The following SYT9 variants were observed in gnomAD, a reference collection of about 807,000 sequenced individuals.
The protein encoded by SYT9 is synaptotagmin-9.
SYT9 carries 22 observed loss-of-function variants against 48.4 expected under a neutral mutation model. The ratio of observed to expected loss-of-function variants is 0.45; its 90% CI spans 0.32 to 0.65. The LOEUF (loss-of-function observed/expected upper bound fraction) is 0.65. Among genes scored for constraint, SYT9 ranks in the 30% least tolerant of loss-of-function variants. The pLI is 0.03. For synonymous variants in SYT9, 265 were observed against 245.0 expected (o/e 1.08, Z -0.76); for missense variants, 577 against 622.0 (o/e 0.93, Z 0.77).
chr11:7,273,437 A>C (rs1455282473), intron 1 of SYT9, among the ~76,000 whole-genome samples: 2 of 152,150 alleles, frequency 1.3e-5, no homozygotes, highest in East Asian at 3.9e-4. Flanking sequence ...AACTATATGT[A>C]GCCAAGAGAG....
intron 1 of SYT9, among the ~76,000 whole-genome samples, chr11:7,278,466 G>C (rs984439929): frequency 6.6e-6 from 1 of 152,132 alleles, no homozygotes; most frequent in Non-Finnish European, 1.5e-5. Context: ...GTTTTACTGA[G>C]CCCTAAGATT....
At chr11:7,370,519 G>T (rs1214774721) in intron 3 of SYT9, among the ~76,000 whole-genome samples, 1 of 152,066 alleles carries the variant, frequency 6.6e-6, no homozygotes, top group East Asian at 1.9e-4. Flanking sequence ...TGTGATGATG[G>T]TTGGAAAATT....
intron 3 of SYT9, among the ~76,000 whole-genome samples, chr11:7,396,522 T>A (rs995481754): frequency 6.6e-6 from 1 of 152,158 alleles, no homozygotes; most frequent in Non-Finnish European, 1.5e-5. Flanking sequence ...TTGATAGACA[T>A]CTAGGCTTCT....
At chr11:7,245,118 CA>C (rs1852481202) in intron 1 of SYT9, among the ~76,000 whole-genome samples, 1 of 152,188 alleles carries the variant, frequency 6.6e-6, no homozygotes, top group Non-Finnish European at 1.5e-5. Flanking sequence ...ATGGAAAACA[CA>C]GGCTCTGGAG....
chr11:7,454,175 T>C, intron 6 of SYT9: 1 of 985,326 alleles, frequency 1.0e-6, no homozygotes, highest in Non-Finnish European at 1.2e-6. Context: ...AGCCTCCAGC[T>C]CCCAGAATCA....
intron 1 of SYT9, among the ~76,000 whole-genome samples, chr11:7,278,801 G>A (rs576230915): frequency 1.3e-3 from 194 of 152,280 alleles, no homozygotes; most frequent in Middle Eastern, 3.4e-3. Context: ...GGGAGACTGC[G>A]TTAACTTGGA....
chr11:7,390,421 T>C (rs1320041), intron 3 of SYT9, among the ~76,000 whole-genome samples: 132,641 of 152,194 alleles, frequency 0.87, 58,179 homozygotes, highest in Non-Finnish European at 0.93. Flanking sequence ...AAATGAGCCA[T>C]GTGTCATGGT....
At chr11:7,328,729 T>C (rs187046371) in intron 3 of SYT9, among the ~76,000 whole-genome samples, 7 of 152,338 alleles carry the variant, frequency 4.6e-5, no homozygotes, top group Non-Finnish European at 1.5e-5. Context: ...CCTTCTAGAT[T>C]ATTTTTTATG....
At chr11:7,256,581 C>G (rs1175855855) in intron 1 of SYT9, among the ~76,000 whole-genome samples, 1 of 152,140 alleles carries the variant, frequency 6.6e-6, no homozygotes, top group African/African-American at 2.4e-5. Context: ...GAGTTATTGT[C>G]AATGAAAATT....
upstream of SYT9, among the ~76,000 whole-genome samples, chr11:7,249,218 G>A (rs748001441): frequency 3.3e-5 from 5 of 152,188 alleles, no homozygotes; most frequent in Non-Finnish European, 7.3e-5. Flanking sequence ...CCTTCTGTAT[G>A]ATATTCTTTC....
chr11:7,269,150 T>C (rs1589899985), intron 1 of SYT9, among the ~76,000 whole-genome samples: 1 of 152,148 alleles, frequency 6.6e-6, no homozygotes, highest in South Asian at 2.1e-4. Flanking sequence ...TTGGCTTTTT[T>C]CCAATTTTGT....
intron 2 of SYT9, among the ~76,000 whole-genome samples, chr11:7,306,823 T>A (rs1849041263): frequency 1.3e-5 from 2 of 152,318 alleles, no homozygotes; most frequent in Admixed American, 6.5e-5. Flanking sequence ...TTTAAGTGAT[T>A]CTTTATTGCT....
At chr11:7,264,801 T>C (rs948639234) in intron 1 of SYT9, among the ~76,000 whole-genome samples, 3 of 152,056 alleles carry the variant, frequency 2.0e-5, no homozygotes, top group Admixed American at 2.0e-4. Flanking sequence ...GACATGGATA[T>C]TGGCTTTGCT....
intron 3 of SYT9, among the ~76,000 whole-genome samples, chr11:7,414,637 G>C (rs1025475324): frequency 6.7e-6 from 1 of 149,212 alleles, no homozygotes. Flanking sequence ...CCAGGAACCA[G>C]CAAAGCCTAG....
At chr11:7,285,370 C>T (rs1016181608) in intron 1 of SYT9, among the ~76,000 whole-genome samples, 1 of 152,126 alleles carries the variant, frequency 6.6e-6, no homozygotes, top group Non-Finnish European at 1.5e-5. Flanking sequence ...GAGAAAAGTC[C>T]TTTATAAAAC....
chr11:7,400,460 C>G (rs1465154214), intron 3 of SYT9, among the ~76,000 whole-genome samples: 1 of 152,162 alleles, frequency 6.6e-6, no homozygotes, highest in Non-Finnish European at 1.5e-5. Flanking sequence ...TCCAGTTGTT[C>G]CTTCATTAAC....
chr11:7,321,818 A>G (rs1849343294), intron 3 of SYT9, among the ~76,000 whole-genome samples: 1 of 152,228 alleles, frequency 6.6e-6, no homozygotes, highest in South Asian at 2.1e-4. Context: ...GGAAAGGGTC[A>G]GTAACTTCTG....
intron 3 of SYT9, among the ~76,000 whole-genome samples, chr11:7,360,048 C>A (rs1421630734): frequency 1.3e-5 from 2 of 151,814 alleles, no homozygotes; most frequent in Admixed American, 6.6e-5. Flanking sequence ...AGGAAGGGAT[C>A]CAGTTTCAGC....
intron 6 of SYT9, among the ~76,000 whole-genome samples, chr11:7,442,319 C>G (rs879901338): frequency 6.6e-6 from 1 of 152,178 alleles, no homozygotes; most frequent in Non-Finnish European, 1.5e-5. Context: ...ACAGCTGTGG[C>G]CTGCTTTTGG....
Sources: allele counts gnomAD v4.1 joint callset (sites outside exome capture counted in the v4.1 genomes callset), GRCh38; gene constraint gnomAD v4.1.1; transcripts MANE v1.5; gene names NCBI Gene and HGNC (gene_info 2026-07-23, HGNC 2026-07-21).